Variants in PXYLP1 observed in about 807,000 individuals in gnomAD.
PXYLP1 encodes 2-phosphoxylose phosphatase 1.
In PXYLP1, 17 loss-of-function variants were observed where a neutral mutation model predicts 37.9. That is an observed-to-expected ratio of 0.45 (90% CI 0.31 to 0.67). The LOEUF (loss-of-function observed/expected upper bound fraction) is 0.67, where lower values mean the gene tolerates loss of function less well. Among genes scored for constraint, PXYLP1 ranks in the 30% least tolerant of loss-of-function variants. The probability of loss-of-function intolerance (pLI) is 0.07; values close to 1 mark genes in which losing one functional copy is unlikely to be tolerated. For missense variants in PXYLP1, 511 were observed against 612.0 expected (o/e 0.84, Z 1.74); for synonymous variants, 221 against 232.2 (o/e 0.95, Z 0.44).
intron 2 of PXYLP1, among the ~76,000 whole-genome samples, chr3:141,268,788 A>G (rs1941594551): frequency 6.6e-6 from 1 of 152,168 alleles, no homozygotes; most frequent in Admixed American, 6.5e-5. Flanking sequence ...CACACTACAG[A>G]TGTTACCCTG....
chr3:141,243,479 G>A (rs749979300), intron 1 of PXYLP1, among the ~76,000 whole-genome samples: 2 of 152,282 alleles, frequency 1.3e-5, no homozygotes, highest in Admixed American at 6.5e-5. Flanking sequence ...TGTCATCCAC[G>A]GTACGGTGAC....
intron 1 of PXYLP1, among the ~76,000 whole-genome samples, chr3:141,244,828 G>C (rs1239453095): frequency 6.6e-6 from 1 of 151,474 alleles, no homozygotes; most frequent in Non-Finnish European, 1.5e-5. Context: ...CACTTTTGTA[G>C]GATAGAAACC....
intron 2 of PXYLP1, among the ~76,000 whole-genome samples, chr3:141,268,200 AGAGAGAGTGTGT>A (rs1309267317): frequency 0.023 from 741 of 32,718 alleles, 5 homozygotes; most frequent in African/African-American, 0.049. Flanking sequence ...AGAGAGAGAG[AGAGAGAGTGTGT>A]GTGTGTGTGT....
At chr3:141,260,625 G>A (rs1385028976) in intron 2 of PXYLP1, among the ~76,000 whole-genome samples, 5 of 152,170 alleles carry the variant, frequency 3.3e-5, no homozygotes, top group Non-Finnish European at 4.4e-5. Context: ...AGTCAGCCGC[G>A]GGGCTGGAGT....
chr3:141,265,605 G>A (rs1391599760), intron 2 of PXYLP1, among the ~76,000 whole-genome samples: 1 of 152,140 alleles, frequency 6.6e-6, no homozygotes, highest in Admixed American at 6.5e-5. Context: ...GAGACGTCAT[G>A]GTGGTTCTGT....
rs762594733 is a variant in PXYLP1, at chr3:141,287,333, C to G, written c.385C>G (p.Leu129Val). The change falls in exon 5 of 6, where the codon CTG (leucine) becomes GTG (valine). Residue 129 changes from leucine to valine, a missense_variant. By Grantham distance (32) the Leu-to-Val change is conservative. Coordinates refer to ENST00000286353, the MANE Select transcript of PXYLP1 (RefSeq NM_001037172.3). Reference protein sequence around the residue: ...VANRKPYHPKLEAFISHMSKG... With the variant: ...VANRKPYHPKVEAFISHMSKG... ...CTCTAGGAAACCGTATCACCCAAAA[C>G]TGGAAGCTTTCATTAGTCACATGTC... The G allele has an allele frequency of 3.1e-6, 5 of 1,614,082 alleles. No individual in the cohort carries two copies. Among genetic ancestry groups the G allele is most frequent in the Admixed American group, 1.7e-5 (1 of 60,006 alleles).
intron 4 of PXYLP1, among the ~76,000 whole-genome samples, chr3:141,281,452 C>T (rs1378662982): frequency 2.0e-5 from 3 of 152,184 alleles, no homozygotes; most frequent in Non-Finnish European, 4.4e-5. Flanking sequence ...TCAGGGAGCT[C>T]AGCACATTTA....
intron 4 of PXYLP1, among the ~76,000 whole-genome samples, chr3:141,281,599 G>T (rs537086673): frequency 6.6e-6 from 1 of 152,302 alleles, no homozygotes. Flanking sequence ...AGTAGTTTGG[G>T]TGCCATATTT....
intron 1 of PXYLP1, among the ~76,000 whole-genome samples, chr3:141,246,592 G>C (rs1291615343): frequency 1.3e-5 from 2 of 152,188 alleles, no homozygotes; most frequent in Non-Finnish European, 2.9e-5. Context: ...GCTACTGGCT[G>C]TAGTGAGTCC....
intron 2 of PXYLP1, among the ~76,000 whole-genome samples, chr3:141,275,647 G>A (rs1297756459): frequency 6.6e-6 from 1 of 152,218 alleles, no homozygotes; most frequent in Non-Finnish European, 1.5e-5. Flanking sequence ...CCTGGGCTGT[G>A]TTAGCCATCC....
At chr3:141,267,998 T>G (rs990373107) in intron 2 of PXYLP1, among the ~76,000 whole-genome samples, 6 of 152,216 alleles carry the variant, frequency 3.9e-5, no homozygotes, top group African/African-American at 1.4e-4. Flanking sequence ...TGTTTAAAGA[T>G]GTTTACTGCA....
At chr3:141,247,495 G>A (rs1236104565) in intron 1 of PXYLP1, among the ~76,000 whole-genome samples, 2 of 152,236 alleles carry the variant, frequency 1.3e-5, no homozygotes, top group Admixed American at 1.3e-4. Flanking sequence ...AAGAGAGGAA[G>A]CATAGATGTC....
chr3:141,268,200 AGAGAGAGTGTGTGT>A (rs1232126232), intron 2 of PXYLP1, among the ~76,000 whole-genome samples: 131 of 32,806 alleles, frequency 4.0e-3, no homozygotes, highest in African/African-American at 8.9e-3. Flanking sequence ...AGAGAGAGAG[AGAGAGAGTGTGTGT>A]GTGTGTGTGT....
intron 1 of PXYLP1, among the ~76,000 whole-genome samples, chr3:141,252,641 G>A (rs1941167295): frequency 6.6e-6 from 1 of 152,138 alleles, no homozygotes; most frequent in Admixed American, 6.5e-5. Flanking sequence ...ACCTACACTG[G>A]GGATTACATG....
At chr3:141,290,911 T>C (rs1942186069) in intron 5 of PXYLP1, among the ~76,000 whole-genome samples, 1 of 152,220 alleles carries the variant, frequency 6.6e-6, no homozygotes, top group Non-Finnish European at 1.5e-5. Context: ...CCAAATAAAA[T>C]AGGCCCCGCA....
rs55784202 is a variant in PXYLP1 at position 141,282,973 on chromosome 3, A to ATT, written c.365+3480_365+3481dup. 1.3e-3 allele frequency among the ~76,000 whole-genome samples: 188 copies of ATT among 147,244 alleles called. 2 individuals carry two copies. The highest frequency in any genetic ancestry group is 4.0e-3 in the African/African-American group (160 of 40,324). ...TTTCTAGTCAGTAATAGGCTGTATA[A>ATT]TTTTTTTTTTTTGAGACAGAGTCTC... On this transcript the variant is annotated intron_variant, in intron 4 of 5. Transcript: ENST00000286353.
intron 2 of PXYLP1, among the ~76,000 whole-genome samples, chr3:141,265,622 C>G (rs141031182): frequency 2.1e-4 from 32 of 152,226 alleles, no homozygotes; most frequent in African/African-American, 7.5e-4. Flanking sequence ...CTGTGGAACT[C>G]TAGCTAATTG....
chr3:141,234,036 G>A (rs960909561), intron 1 of PXYLP1, among the ~76,000 whole-genome samples: 4 of 152,112 alleles, frequency 2.6e-5, no homozygotes, highest in Admixed American at 6.5e-5. Flanking sequence ...ACCACATAGG[G>A]GTACTCAGTG....
intron 4 of PXYLP1, among the ~76,000 whole-genome samples, 180 bp from the exon 5 acceptor site, chr3:141,287,134 A>G (rs946951863): frequency 3.3e-5 from 5 of 152,212 alleles, no homozygotes; most frequent in African/African-American, 9.7e-5. Context: ...AGGGGATTTC[A>G]TGTGTCAGTG....
Sources: gnomAD v4.1 joint callset for allele counts (sites outside exome capture counted in the v4.1 genomes callset) on GRCh38, gnomAD v4.1.1 for gene constraint, MANE v1.5 for transcripts, NCBI Gene and HGNC (gene_info 2026-07-23, HGNC 2026-07-21) for gene names.